The following IQCJ variants were observed in gnomAD, a reference collection of about 807,000 sequenced individuals.
The protein encoded by IQCJ is IQ motif containing J, also known as IQ domain-containing protein J.
In IQCJ, 9 loss-of-function variants were observed where a neutral mutation model predicts 11.0. That is an observed-to-expected ratio of 0.82 (90% CI 0.49 to 1.43). IQCJ has a LOEUF of 1.43. Ranked by LOEUF, IQCJ falls within the 40% of genes most tolerant of loss-of-function variation. The pLI is 0.00. For synonymous variants in IQCJ, 55 were observed against 51.3 expected (o/e 1.07, Z -0.31); for missense variants, 146 against 133.2 (o/e 1.10, Z -0.47).
rs140696585 is a variant in IQCJ, at chr3:159,233,777, C to A, written c.10-12066C>A. Among the ~76,000 whole-genome samples, 77 of 152,248 alleles carry A rather than the reference C, an allele frequency of 5.1e-4. No individual in the cohort carries two copies. The East Asian group carries it at 0.015, about 29-fold the overall frequency. On this transcript the variant is annotated intron_variant, in intron 1 of 3. Coordinates refer to ENST00000397832, the MANE Select transcript of IQCJ (RefSeq NM_001042706.3). The stretch of plus-strand genomic sequence containing the variant: ...CCTTGGTGTGACACTTAAGGAATCT[C>A]TCTGTGGATGACCAGCACTTTAGAG...
chr3:159,228,635 C>CA (rs1167495488), intron 1 of IQCJ, among the ~76,000 whole-genome samples: 8 of 151,980 alleles, frequency 5.3e-5, no homozygotes, highest in Non-Finnish European at 5.9e-5. Flanking sequence ...ACTAAAAATA[C>CA]AAAAAATTAG....
chr3:159,162,389 G>T (rs1168077713), intron 1 of IQCJ, among the ~76,000 whole-genome samples: 2 of 152,164 alleles, frequency 1.3e-5, no homozygotes, highest in Non-Finnish European at 2.9e-5. Context: ...TTTGTATCCT[G>T]AGACTTTGCT....
intron 1 of IQCJ, among the ~76,000 whole-genome samples, chr3:159,094,255 T>G (rs1214378741): frequency 1.3e-5 from 2 of 150,404 alleles, no homozygotes; most frequent in Non-Finnish European, 2.9e-5. Context: ...TTATGTTTGG[T>G]TAAAAAAACT....
At chr3:159,261,214 C>T (rs2108234509) in intron 3 of IQCJ, among the ~76,000 whole-genome samples, 1 of 152,236 alleles carries the variant, frequency 6.6e-6, no homozygotes, top group South Asian at 2.1e-4. Flanking sequence ...CAGATGCTTC[C>T]AGGAGTTTAG....
At chr3:159,230,631 C>G (rs1051595030) in intron 1 of IQCJ, among the ~76,000 whole-genome samples, 1 of 152,236 alleles carries the variant, frequency 6.6e-6, no homozygotes, top group Non-Finnish European at 1.5e-5. Context: ...ATGGATTTCA[C>G]CTTCCTCCCT....
chr3:159,226,470 A>G (rs906801089), intron 1 of IQCJ, among the ~76,000 whole-genome samples: 6 of 152,194 alleles, frequency 3.9e-5, no homozygotes, highest in African/African-American at 1.4e-4. Context: ...TGAGAGTTTT[A>G]GGAGTTCTGT....
intron 1 of IQCJ, among the ~76,000 whole-genome samples, chr3:159,233,033 A>G (rs957118047): frequency 3.3e-5 from 5 of 152,232 alleles, no homozygotes; most frequent in Admixed American, 2.6e-4. Flanking sequence ...ATGCTGCGCT[A>G]TTTAATGATA....
In IQCJ at chr3:159,110,459, T is replaced by A. The variant is rs557189277; in HGVS notation, c.9+41018T>A. ...TCCTTCCAGCAAACTCCTTTTCATTTATTTAAATAATGTCATTTCCTACAG... is the reference window on the plus strand; with the variant it reads ...TCCTTCCAGCAAACTCCTTTTCATTAATTTAAATAATGTCATTTCCTACAG... On this transcript the variant is annotated intron_variant, in intron 1 of 3. Transcript: ENST00000397832. Among the ~76,000 whole-genome samples, 6 of 152,326 alleles carry A rather than the reference T, an allele frequency of 3.9e-5. No homozygotes were observed. The East Asian group carries it at 1.2e-3, about 29-fold the overall frequency.
chr3:159,155,368 G>A (rs961744782), intron 1 of IQCJ, among the ~76,000 whole-genome samples: 7 of 152,166 alleles, frequency 4.6e-5, no homozygotes, highest in African/African-American at 1.7e-4. Context: ...ATGTTGGCCA[G>A]GCTGGTCTCA....
At chr3:159,230,932 G>A (rs2108151450) in intron 1 of IQCJ, among the ~76,000 whole-genome samples, 1 of 152,170 alleles carries the variant, frequency 6.6e-6, no homozygotes, top group East Asian at 1.9e-4. Context: ...TGTTATTTGA[G>A]GCCTCCTATT....
chr3:159,192,717 G>A (rs532969104), intron 1 of IQCJ, among the ~76,000 whole-genome samples: 69 of 152,298 alleles, frequency 4.5e-4, no homozygotes, highest in African/African-American at 1.4e-3. Flanking sequence ...ATTGCCTGGC[G>A]TCTGGGGAAA....
intron 1 of IQCJ, among the ~76,000 whole-genome samples, chr3:159,187,364 A>G (rs1469051321): frequency 6.6e-6 from 1 of 152,084 alleles, no homozygotes; most frequent in Non-Finnish European, 1.5e-5. Flanking sequence ...CTTTTGATAG[A>G]CTCTTTGGAA....
At chr3:159,150,686 C>T (rs997644704) in intron 1 of IQCJ, among the ~76,000 whole-genome samples, 3 of 151,914 alleles carry the variant, frequency 2.0e-5, no homozygotes, top group Non-Finnish European at 4.4e-5. Flanking sequence ...CCCTTTGTGT[C>T]CTAATGTAGT....
At chr3:159,214,383 G>T (rs555561426) in intron 1 of IQCJ, among the ~76,000 whole-genome samples, 1 of 152,102 alleles carries the variant, frequency 6.6e-6, no homozygotes, top group Non-Finnish European at 1.5e-5. Context: ...CCTCACTGTC[G>T]TTGCCTTAGT....
chr3:159,115,227 C>T (rs1718901414), intron 1 of IQCJ, among the ~76,000 whole-genome samples: 2 of 152,210 alleles, frequency 1.3e-5, no homozygotes, highest in Non-Finnish European at 2.9e-5. Flanking sequence ...GGAATAGAGA[C>T]AGGCTTCCTC....
chr3:159,091,810 T>G (rs1322171893), intron 1 of IQCJ, among the ~76,000 whole-genome samples: 1 of 151,412 alleles, frequency 6.6e-6, no homozygotes, highest in Admixed American at 6.6e-5. Context: ...TAATAAAAAT[T>G]TTAAAAGCCC....
chr3:159,147,677 G>A (rs1169367190), intron 1 of IQCJ, among the ~76,000 whole-genome samples: 2 of 152,300 alleles, frequency 1.3e-5, no homozygotes, highest in Non-Finnish European at 2.9e-5. Flanking sequence ...ATATTACAAA[G>A]CAATTACTGT....
chr3:159,090,285 T>C (rs1202982036), intron 1 of IQCJ, among the ~76,000 whole-genome samples: 27 of 151,772 alleles, frequency 1.8e-4, no homozygotes, highest in Admixed American at 1.8e-3. Flanking sequence ...GTCTGCCCGT[T>C]CTCAGATCTC....
intron 1 of IQCJ, among the ~76,000 whole-genome samples, chr3:159,089,628 C>CT (rs1287972638): frequency 6.6e-6 from 1 of 151,626 alleles, no homozygotes; most frequent in Non-Finnish European, 1.5e-5. Context: ...TCTTTTTATT[C>CT]TTTTTTCTCT....
Sources: gnomAD v4.1 joint callset for allele counts (sites outside exome capture counted in the v4.1 genomes callset) on GRCh38, gnomAD v4.1.1 for gene constraint, MANE v1.5 for transcripts, NCBI Gene and HGNC (gene_info 2026-07-23, HGNC 2026-07-21) for gene names.